Variants in XPNPEP3 observed in about 807,000 individuals in gnomAD.
XPNPEP3 encodes the protein xaa-Pro aminopeptidase 3.
A neutral mutation model predicts 60.0 loss-of-function variants in XPNPEP3; 41 were observed. The ratio of observed to expected loss-of-function variants is 0.68; its 90% CI spans 0.53 to 0.89. The LOEUF (loss-of-function observed/expected upper bound fraction) is 0.89, where lower values mean the gene tolerates loss of function less well. Among genes scored for constraint, XPNPEP3 ranks in the 40% least tolerant of loss-of-function variants. The pLI is 0.00. For synonymous variants in XPNPEP3, 212 were observed against 223.2 expected (o/e 0.95, Z 0.45); for missense variants, 598 against 638.9 (o/e 0.94, Z 0.69).
intron 4 of XPNPEP3, among the ~76,000 whole-genome samples, chr22:40,898,408 C>G (rs1224712841): frequency 7.2e-6 from 1 of 138,900 alleles, no homozygotes; most frequent in African/African-American, 3.1e-5. Flanking sequence ...CGCCCGCCAC[C>G]GCGCCCGGCT....
At chr22:40,874,969 G>A (rs1379906983) in intron 2 of XPNPEP3, among the ~76,000 whole-genome samples, 1 of 152,106 alleles carries the variant, frequency 6.6e-6, no homozygotes, top group African/African-American at 2.4e-5. Context: ...AATAAGTGAT[G>A]ACGTTACATT....
At chr22:40,865,748 C>T (rs1419331154) in intron 1 of XPNPEP3, among the ~76,000 whole-genome samples, 2 of 151,574 alleles carry the variant, frequency 1.3e-5, no homozygotes, top group Non-Finnish European at 2.9e-5. Context: ...CCAGGCTGGT[C>T]CCGAACTCCT....
chr22:40,881,629 C>T, intron 2 of XPNPEP3, 141 bp from the exon 3 acceptor site: 3 of 1,001,638 alleles, frequency 3.0e-6, no homozygotes, highest in African/African-American at 1.6e-5. Flanking sequence ...ACCTGGTTAT[C>T]TCCTTAATTC....
Position 40,868,997 on chromosome 22 carries a change from A to G in XPNPEP3, c.65-2A>G. 6.2e-7 allele frequency: 1 copy of G among 1,608,580 alleles called. No homozygotes were observed. The highest frequency in any genetic ancestry group is 8.5e-7 in the Non-Finnish European group (1 of 1,175,016). On this transcript the variant is annotated splice_acceptor_variant, in intron 1 of 9. Transcript: ENST00000357137. LOFTEE classifies it high-confidence loss of function. ...ATTTCATTCTCTTTATTCTTCATTC[A>G]GGATGTATGTTGTGTTCACAGCGAA...
chr22:40,868,232 A>G (rs1390874852), intron 1 of XPNPEP3, among the ~76,000 whole-genome samples: 1 of 152,220 alleles, frequency 6.6e-6, no homozygotes, highest in Non-Finnish European at 1.5e-5. Context: ...ATGAGATAGC[A>G]TGTGCATATT....
chr22:40,923,347 G>A (rs528086287), intron 8 of XPNPEP3, among the ~76,000 whole-genome samples: 1 of 152,170 alleles, frequency 6.6e-6, no homozygotes, highest in Non-Finnish European at 1.5e-5. Context: ...CATGTCATTA[G>A]TGAATTTTTT....
chr22:40,857,396 G>A (rs2057907932), intron 1 of XPNPEP3, 151 bp downstream of exon 1: 1 of 904,026 alleles, frequency 1.1e-6, no homozygotes, highest in Non-Finnish European at 1.8e-6. Flanking sequence ...TATACCGGCT[G>A]CTCCTGGAAA....
chr22:40,930,818 C>G lies in XPNPEP3; in HGVS notation c.*4383C>G, dbSNP rs578217583. 6.6e-5 allele frequency: 10 copies of G among 151,996 alleles called. No homozygotes were observed. Among genetic ancestry groups the G allele is most frequent in the African/African-American group, 2.4e-4 (10 of 41,426 alleles). The allele number at this position is 151,996 out of a possible 1,614,324, so 9.4% of individuals were successfully genotyped here. Reference sequence around the variant, plus strand: ...TCTCCTGACCTTGTGATCCACCCACCTCAGCTTCCCAAACTGCTGGGATTA... The same window carrying G: ...TCTCCTGACCTTGTGATCCACCCACGTCAGCTTCCCAAACTGCTGGGATTA... On this transcript the variant is annotated 3_prime_UTR_variant, in exon 10 of 10. Transcript: ENST00000357137.
At chr22:40,901,196 T>TA (rs1447354487) in intron 4 of XPNPEP3, among the ~76,000 whole-genome samples, 1 of 151,610 alleles carries the variant, frequency 6.6e-6, no homozygotes. Context: ...TTGCAAATCA[T>TA]ATATCTGATA....
chr22:40,881,960 A>G lies in XPNPEP3; in HGVS notation c.372A>G (p.Leu124=), dbSNP rs2058049944. The change falls in exon 3 of 10, where the codon CTA becomes CTG. Residue 124 remains leucine (L), a synonymous_variant. Transcript: ENST00000357137. ...ACCAAGACAACAATTTCCTGTACCT[A>G]TGTGGATTCCAAGAGCCTGATAGCA... The part of the protein sequence containing the change: ...TFHQDNNFLY[L]CGFQEPDSIL... The G allele has an allele frequency of 4.3e-6, 7 of 1,614,074 alleles. No individual in the cohort carries two copies. The highest frequency in any genetic ancestry group is 4.5e-5 in the East Asian group (2 of 44,860).
chr22:40,923,789 T>TTGCAG (rs1433961958), intron 8 of XPNPEP3, among the ~76,000 whole-genome samples: 1 of 152,084 alleles, frequency 6.6e-6, no homozygotes, highest in East Asian at 1.9e-4. Flanking sequence ...GAGACAGAGT[T>TTGCAG]TGCAGTGAGC....
chr22:40,875,004 T>A (rs1400381469), intron 2 of XPNPEP3, among the ~76,000 whole-genome samples: 1 of 152,228 alleles, frequency 6.6e-6, no homozygotes, highest in Non-Finnish European at 1.5e-5. Context: ...AACACTTTTT[T>A]AATAGATTAT....
intron 4 of XPNPEP3, among the ~76,000 whole-genome samples, chr22:40,905,888 T>A (rs1457452815): frequency 6.6e-6 from 1 of 152,018 alleles, no homozygotes; most frequent in East Asian, 1.9e-4. Context: ...TGCCTCCCAG[T>A]TCACGTGATT....
chr22:40,893,838 A>T (rs1042858797), intron 4 of XPNPEP3, among the ~76,000 whole-genome samples: 1 of 151,888 alleles, frequency 6.6e-6, no homozygotes, highest in Non-Finnish European at 1.5e-5. Flanking sequence ...CTGATCTAGA[A>T]CTCCCAACCT....
At chr22:40,906,890 A>C (rs1301238241) in intron 4 of XPNPEP3, among the ~76,000 whole-genome samples, 1 of 152,184 alleles carries the variant, frequency 6.6e-6, no homozygotes, top group African/African-American at 2.4e-5. Context: ...AATTCCTGAT[A>C]GGGGGCACCC....
At chr22:40,860,527 T>G in intron 1 of XPNPEP3, 1 of 703,004 alleles carries the variant, frequency 1.4e-6, no homozygotes, top group Non-Finnish European at 2.1e-6. Context: ...TGATACATTC[T>G]TGTCTTCTAA....
intron 1 of XPNPEP3, among the ~76,000 whole-genome samples, chr22:40,859,299 T>C (rs1328568978): frequency 2.6e-5 from 4 of 152,308 alleles, no homozygotes; most frequent in African/African-American, 9.6e-5. Context: ...AACAATTAGC[T>C]TTTTCCTTTA....
At chr22:40,906,915 T>C (rs1473893175) in intron 4 of XPNPEP3, among the ~76,000 whole-genome samples, 1 of 152,150 alleles carries the variant, frequency 6.6e-6, no homozygotes, top group African/African-American at 2.4e-5. Context: ...GGTATCCTCA[T>C]ATGGCAGAAG....
chr22:40,872,489 C>T (rs9623263), intron 2 of XPNPEP3, among the ~76,000 whole-genome samples: 6,663 of 150,928 alleles, frequency 0.044, 477 homozygotes, highest in African/African-American at 0.15. Flanking sequence ...TCGCTCTTGT[C>T]GCCCAGGCTG....
Sources: allele counts gnomAD v4.1 joint callset (sites outside exome capture counted in the v4.1 genomes callset), GRCh38; gene constraint gnomAD v4.1.1; transcripts MANE v1.5; gene names NCBI Gene and HGNC (gene_info 2026-07-23, HGNC 2026-07-21).